Variants in PXT1 observed in about 807,000 individuals in gnomAD.
PXT1 encodes peroxisomal testis enriched protein 1.
Under a neutral mutation model 11.0 loss-of-function variants are expected in PXT1, and 11 were observed. The ratio of observed to expected loss-of-function variants is 1.00; its 90% CI spans 0.63 to 1.66. The LOEUF (loss-of-function observed/expected upper bound fraction) is 1.66. PXT1 is among the 40% of genes most tolerant of loss of function. PXT1 has a pLI of 0.00. For missense variants in PXT1, 141 were observed against 155.5 expected (o/e 0.91, Z 0.49); for synonymous variants, 43 against 51.4 (o/e 0.84, Z 0.70).
chr6:36,404,639 C>T (rs1366852150), intron 3 of PXT1, among the ~76,000 whole-genome samples: 1 of 151,368 alleles, frequency 6.6e-6, no homozygotes, highest in African/African-American at 2.4e-5. Context: ...TTAGAGTATA[C>T]TCCTTCTACT....
chr6:36,423,478 A>G (rs1774553622), intron 3 of PXT1, among the ~76,000 whole-genome samples: 1 of 152,208 alleles, frequency 6.6e-6, no homozygotes, highest in Non-Finnish European at 1.5e-5. Flanking sequence ...GGGAGCGCAC[A>G]TGGCGACGCG....
At position 36,442,597 on chromosome 6, in the gene PXT1, G is replaced by A. The variant is rs944251839; in HGVS notation, c.-192C>T. ...TTTCCCCCTTTCTTTTGGCCAGAAT[G>A]TATATCCAGGGTAGTGACTTTCGAG... On this transcript the variant is annotated 5_prime_UTR_variant, in exon 1 of 5. Transcript: ENST00000454782. 1 of 152,130 alleles carries A rather than the reference G, an allele frequency of 6.6e-6. No homozygotes were observed. Among genetic ancestry groups the A allele is most frequent in the Non-Finnish European group, 1.5e-5 (1 of 68,034 alleles). The allele number at this position is 152,130 out of a possible 1,614,324, so 9.4% of individuals were successfully genotyped here. A position where few individuals can be genotyped will look rare whatever the true frequency, so the allele number is the denominator to read the frequency against.
intron 2 of PXT1, among the ~76,000 whole-genome samples, chr6:36,430,131 C>T (rs1026535953): frequency 6.6e-5 from 10 of 151,712 alleles, no homozygotes; most frequent in Non-Finnish European, 1.2e-4. Flanking sequence ...TGCCTGAACC[C>T]GGGAAGCAGA....
In PXT1 at chr6:36,397,585, C is replaced by T. The variant is rs528938339; in HGVS notation, c.300+2869G>A. ...CCTTTAGAAGAAAACATAAGTGTGA[C>T]ACCCAAAGCAAAAGCACTAGCAACA... On this transcript the variant is annotated intron_variant, in intron 4 of 4. Coordinates refer to ENST00000454782, the MANE Select transcript of PXT1 (RefSeq NM_152990.4). Among the ~76,000 whole-genome samples the T allele has an allele frequency of 1.5e-4, 23 of 152,270 alleles. No individual in the cohort carries two copies. The Middle Eastern group carries it at 0.014, about 90-fold the overall frequency.
At chr6:36,403,934 C>T (rs1774249020) in intron 3 of PXT1, among the ~76,000 whole-genome samples, 1 of 152,174 alleles carries the variant, frequency 6.6e-6, no homozygotes, top group African/African-American at 2.4e-5. Flanking sequence ...ACATTTGAAG[C>T]ACAGGGGATG....
intron 3 of PXT1, among the ~76,000 whole-genome samples, chr6:36,415,449 A>C (rs1041640035): frequency 6.6e-5 from 10 of 152,094 alleles, no homozygotes; most frequent in African/African-American, 2.4e-4. Context: ...GTCTCAAAAA[A>C]TTAATTAATT....
intron 3 of PXT1, among the ~76,000 whole-genome samples, chr6:36,422,449 G>A (rs925736443): frequency 6.6e-6 from 1 of 152,144 alleles, no homozygotes; most frequent in Admixed American, 6.5e-5. Context: ...CCCCCATTAT[G>A]ACATCTAGAC....
chr6:36,421,184 C>A (rs1454183045), intron 3 of PXT1, among the ~76,000 whole-genome samples: 25 of 151,524 alleles, frequency 1.6e-4, no homozygotes, highest in Admixed American at 1.6e-3. Flanking sequence ...CAAAAAAAAA[C>A]CAAGGCCAGG....
Position 36,435,316 on chromosome 6 carries a change from G to A in PXT1, c.-10+3451C>T, listed in dbSNP as rs141792213. On this transcript the variant is annotated intron_variant, in intron 2 of 4. Transcript: ENST00000454782. ...CTTACGCCTGTAATGCCAGCACTTC[G>A]AGAGGTCAAGGCAGGAGGATCGCTT... Among the ~76,000 whole-genome samples, 58 of 152,314 alleles carry A rather than the reference G, an allele frequency of 3.8e-4. No individual in the cohort carries two copies. The East Asian group carries it at 9.8e-3, about 26-fold the overall frequency.
At chr6:36,418,082 G>T (rs1022975386) in intron 3 of PXT1, among the ~76,000 whole-genome samples, 1 of 152,064 alleles carries the variant, frequency 6.6e-6, no homozygotes, top group Non-Finnish European at 1.5e-5. Flanking sequence ...TGTGGTCCCA[G>T]CTACTTGGGA....
At chr6:36,436,197 C>A (rs931886658) in intron 2 of PXT1, among the ~76,000 whole-genome samples, 20 of 147,754 alleles carry the variant, frequency 1.4e-4, no homozygotes, top group Admixed American at 4.1e-4. Context: ...AGGCAGGGGC[C>A]AAATCCTGCA....
At chr6:36,407,694 A>G (rs1482310842) in intron 3 of PXT1, among the ~76,000 whole-genome samples, 1 of 151,992 alleles carries the variant, frequency 6.6e-6, no homozygotes, top group Non-Finnish European at 1.5e-5. Flanking sequence ...ATGATTCAGA[A>G]TCCTAAAACA....
intron 3 of PXT1, among the ~76,000 whole-genome samples, chr6:36,413,553 G>T (rs1774406202): frequency 6.6e-6 from 1 of 152,170 alleles, no homozygotes; most frequent in South Asian, 2.1e-4. Flanking sequence ...AAACCTTTGA[G>T]GAGACACATG....
chr6:36,423,356 G>T (rs1432027236), intron 3 of PXT1, among the ~76,000 whole-genome samples: 1 of 152,250 alleles, frequency 6.6e-6, no homozygotes. Flanking sequence ...CGCGCGACCC[G>T]CGCAACCAGT....
chr6:36,405,441 C>T (rs572696181), intron 3 of PXT1, among the ~76,000 whole-genome samples: 128 of 151,754 alleles, frequency 8.4e-4, no homozygotes, highest in Non-Finnish European at 1.5e-3. Context: ...TACAATGTCG[C>T]GATCTCAGCT....
At chr6:36,438,365 C>A (rs560671975) in intron 2 of PXT1, among the ~76,000 whole-genome samples, 1 of 152,240 alleles carries the variant, frequency 6.6e-6, no homozygotes, top group East Asian at 1.9e-4. Flanking sequence ...ATGTTTCATG[C>A]CTCATTTGCC....
chr6:36,403,812 G>C (rs949391958), intron 3 of PXT1, among the ~76,000 whole-genome samples: 7 of 152,180 alleles, frequency 4.6e-5, no homozygotes, highest in Non-Finnish European at 8.8e-5. Flanking sequence ...AGGCTACAGT[G>C]AGCTGAGATT....
rs70975157 is a variant in PXT1, at chr6:36,417,591, C to CAAAAA, written c.169+8318_169+8322dup. Among the ~76,000 whole-genome samples the CAAAAA allele has an allele frequency of 3.6e-4, 36 of 99,544 alleles. 1 individual carries two copies. Among genetic ancestry groups the CAAAAA allele is most frequent in the Non-Finnish European group, 4.4e-4 (23 of 52,094 alleles). 65.3% of individuals were successfully genotyped at this position (99,544 alleles called of 152,430 possible). A position where few individuals can be genotyped will look rare whatever the true frequency, so the allele number is the denominator to read the frequency against. Reference sequence around the variant, plus strand: ...GCAACATAGTGAGACTTCGTCTCTACAAAAAAAAAAAAAAAAAAATCAAAA... The same window carrying CAAAAA: ...GCAACATAGTGAGACTTCGTCTCTACAAAAAAAAAAAAAAAAAAAAAAAATCAAAA... On this transcript the variant is annotated intron_variant, in intron 3 of 4. Coordinates refer to ENST00000454782, the MANE Select transcript of PXT1 (RefSeq NM_152990.4).
chr6:36,428,908 G>A (rs1476175527), intron 2 of PXT1, among the ~76,000 whole-genome samples: 2 of 151,814 alleles, frequency 1.3e-5, no homozygotes, highest in Non-Finnish European at 2.9e-5. Context: ...CATCCACCTC[G>A]GCCTCCCAAA....
Sources: allele counts gnomAD v4.1 joint callset (sites outside exome capture counted in the v4.1 genomes callset), GRCh38; gene constraint gnomAD v4.1.1; transcripts MANE v1.5; gene names NCBI Gene and HGNC (gene_info 2026-07-23, HGNC 2026-07-21).